Variants in MUC7 observed in about 807,000 individuals in gnomAD.
The protein encoded by MUC7 is mucin 7, secreted, also known as mucin-7.
In MUC7, 2 loss-of-function variants were observed where a neutral mutation model predicts 2.5. The ratio of observed to expected loss-of-function variants is 0.81; its 90% confidence interval spans 0.33 to 2.55. MUC7 has a LOEUF of 2.55. Among genes scored for constraint, MUC7 ranks in the 30% most tolerant of loss-of-function variants. The pLI is 0.11. For missense variants in MUC7, 408 were observed against 455.6 expected (o/e 0.90, Z 0.95); for synonymous variants, 133 against 173.4 (o/e 0.77, Z 1.83).
In MUC7 at chr4:70,430,688, G is replaced by A. The variant is rs191306514; in HGVS notation, c.-93+1G>A. 4.6e-5 allele frequency: 7 copies of A among 152,184 alleles called. No individual in the cohort carries two copies. The highest frequency in any genetic ancestry group is 3.3e-4 in the Admixed American group (5 of 15,282). 9.4% of individuals were successfully genotyped at this position (152,184 alleles called of 1,614,324 possible). A position where few individuals can be genotyped will look rare whatever the true frequency, so the allele number is the denominator to read the frequency against. Reference sequence around the variant, plus strand: ...ACTTGGAGGAAGGATTCCTTCAAAGGTAGGTACCTGGGAATTCACAAATTA... The same window carrying A: ...ACTTGGAGGAAGGATTCCTTCAAAGATAGGTACCTGGGAATTCACAAATTA... On this transcript the variant is annotated splice_donor_variant, in intron 1 of 3. Transcript: ENST00000413702. LOFTEE classifies it low-confidence loss of function (5UTR_SPLICE).
chr4:70,439,449 T>C (rs1048302975), intron 1 of MUC7, among the ~76,000 whole-genome samples: 2 of 152,166 alleles, frequency 1.3e-5, no homozygotes, highest in Non-Finnish European at 2.9e-5. Flanking sequence ...CTGCCTCCTG[T>C]TTGGAGATAG....
chr4:70,436,717 C>A (rs537529222), intron 1 of MUC7, among the ~76,000 whole-genome samples: 46 of 152,308 alleles, frequency 3.0e-4, no homozygotes, highest in African/African-American at 9.9e-4. Flanking sequence ...CAAACTCATT[C>A]TTTGTCCAGC....
At position 70,482,695 on chromosome 4, in the gene MUC7, T is replaced by C. The variant is rs779841951; in HGVS notation, c.*817T>C. ...TTATAATATTTCACTATCAATTCAA[T>C]TAATTCACATAAATTCCATGTGAAA... On this transcript the variant is annotated 3_prime_UTR_variant, in exon 3 of 3. Transcript: ENST00000304887. The C allele has an allele frequency of 5.3e-5, 8 of 151,878 alleles. No homozygotes were observed. Among genetic ancestry groups the C allele is most frequent in the Non-Finnish European group, 8.8e-5 (6 of 67,976 alleles). 9.4% of individuals were successfully genotyped at this position (151,878 alleles called of 1,614,324 possible).
chr4:70,451,079 T>G (rs1734268498), intron 1 of MUC7, among the ~76,000 whole-genome samples: 1 of 152,070 alleles, frequency 6.6e-6, no homozygotes, highest in African/African-American at 2.4e-5. Context: ...AGACACAGAG[T>G]GCTGTAGCCC....
intron 1 of MUC7, among the ~76,000 whole-genome samples, chr4:70,466,241 T>A (rs944512488): frequency 6.6e-6 from 1 of 152,056 alleles, no homozygotes; most frequent in South Asian, 2.1e-4. Context: ...GCCTGCCCTA[T>A]AAGAGCTCCT....
At chr4:70,477,870 G>A (rs1431277651) in intron 2 of MUC7, among the ~76,000 whole-genome samples, 1 of 152,080 alleles carries the variant, frequency 6.6e-6, no homozygotes, top group Non-Finnish European at 1.5e-5. Flanking sequence ...ATGTGAACAG[G>A]CAGGCAGGGT....
intron 1 of MUC7, among the ~76,000 whole-genome samples, chr4:70,463,639 T>C (rs1577909211): frequency 6.6e-6 from 1 of 152,340 alleles, no homozygotes; most frequent in Middle Eastern, 3.4e-3. Flanking sequence ...TATGTCATAA[T>C]GGTGATTTGT....
In MUC7 at chr4:70,444,131, A is replaced by G. The variant is rs371670886; in HGVS notation, c.-93+13444A>G. Among the ~76,000 whole-genome samples, 13 of 152,278 alleles carry G rather than the reference A, an allele frequency of 8.5e-5. No individual in the cohort carries two copies. In the South Asian group the frequency reaches 2.5e-3, roughly 29 times the overall value. On this transcript the variant is annotated intron_variant, in intron 1 of 3. Transcript: ENST00000413702. Reference sequence around the variant, plus strand: ...CAATGCTAAATCTTCCACAAAGTCCATATCTGAGGCTATAGCTACCTTATC... The same window carrying G: ...CAATGCTAAATCTTCCACAAAGTCCGTATCTGAGGCTATAGCTACCTTATC...
chr4:70,448,885 T>G (rs754301344), intron 1 of MUC7, among the ~76,000 whole-genome samples: 23 of 152,200 alleles, frequency 1.5e-4, no homozygotes, highest in Non-Finnish European at 2.1e-4. Flanking sequence ...ATGTTTTCTT[T>G]TAGTAGTTTC....
intron 1 of MUC7, among the ~76,000 whole-genome samples, chr4:70,467,151 G>C (rs765539026): frequency 3.2e-4 from 48 of 152,212 alleles, no homozygotes; most frequent in Non-Finnish European, 3.4e-4. Flanking sequence ...ACCTGCTCCT[G>C]AATGACTACT....
chr4:70,461,367 T>C (rs1457640624), intron 1 of MUC7, among the ~76,000 whole-genome samples: 1 of 152,226 alleles, frequency 6.6e-6, no homozygotes, highest in Non-Finnish European at 1.5e-5. Context: ...AGCTCTTTGA[T>C]GACAAAGGCC....
intron 1 of MUC7, among the ~76,000 whole-genome samples, chr4:70,444,018 T>G (rs1156510943): frequency 6.6e-6 from 1 of 152,182 alleles, no homozygotes; most frequent in African/African-American, 2.4e-5. Flanking sequence ...AAACTGACCC[T>G]CATTTATCAC....
chr4:70,434,982 A>G (rs1007112107), intron 1 of MUC7, among the ~76,000 whole-genome samples: 3 of 152,110 alleles, frequency 2.0e-5, no homozygotes, highest in Non-Finnish European at 4.4e-5. Context: ...GTCATTCAGG[A>G]GCAGATTGTT....
chr4:70,442,042 C>A (rs1164983829), intron 1 of MUC7, among the ~76,000 whole-genome samples: 2 of 152,142 alleles, frequency 1.3e-5, no homozygotes, highest in African/African-American at 4.8e-5. Context: ...GACAAAGAAA[C>A]TAGGATTGAA....
At position 70,474,074 on chromosome 4, in the gene MUC7, C is replaced by G; in HGVS notation, c.53C>G (p.Ser18Trp). ...ATCTGTGCACTGAGTGCTTGCTTCT[C>G]GGTAAGTATTCACCCAAATAAGTTT... ...VCICALSACFSFSEGRERDHE... is the reference protein window; with the variant it reads ...VCICALSACFWFSEGRERDHE... The change falls in exon 2 of 3, where the codon TCG becomes TGG. Residue 18 changes from serine to tryptophan, a missense_variant and splice_region_variant. By Grantham distance (177) the Ser-to-Trp change is radical. Transcript: ENST00000304887. 1 of 1,612,142 alleles carries G rather than the reference C, an allele frequency of 6.2e-7. No individual in the cohort carries two copies. The highest frequency in any genetic ancestry group is 8.5e-7 in the Non-Finnish European group (1 of 1,178,702).
chr4:70,465,838 A>G (rs1014949731), intron 1 of MUC7, among the ~76,000 whole-genome samples: 2 of 152,244 alleles, frequency 1.3e-5, no homozygotes, highest in Non-Finnish European at 1.5e-5. Flanking sequence ...GATATTATCC[A>G]GGAGAACTTC....
At chr4:70,440,744 T>C (rs1733981058) in intron 1 of MUC7, among the ~76,000 whole-genome samples, 1 of 151,624 alleles carries the variant, frequency 6.6e-6, no homozygotes, top group Non-Finnish European at 1.5e-5. Context: ...ATTCAAAACA[T>C]AATTTAAAAA....
At position 70,462,507 on chromosome 4, in the gene MUC7, A is replaced by T. The variant is rs868715006; in HGVS notation, c.-92-9708A>T. Among the ~76,000 whole-genome samples, 3 of 152,254 alleles carry T rather than the reference A, an allele frequency of 2.0e-5. No individual in the cohort carries two copies. The South Asian group carries it at 6.2e-4, about 31-fold the overall frequency. ...ATCATTTATAATTATGAAGTATATGAAAGTACTTTAAAAAGGAAAAGGACT... is the reference window on the plus strand; with the variant it reads ...ATCATTTATAATTATGAAGTATATGTAAGTACTTTAAAAAGGAAAAGGACT... On this transcript the variant is annotated intron_variant, in intron 1 of 3. Transcript: ENST00000413702.
intron 2 of MUC7, among the ~76,000 whole-genome samples, chr4:70,478,396 A>T (rs185868805): frequency 1.1e-3 from 172 of 152,340 alleles, no homozygotes; most frequent in Admixed American, 2.9e-3. Context: ...GGCCTTCGTG[A>T]GGCTCATGTG....
Sources: allele counts gnomAD v4.1 joint callset (sites outside exome capture counted in the v4.1 genomes callset), GRCh38; gene constraint gnomAD v4.1.1; transcripts MANE v1.5; gene names NCBI Gene and HGNC (gene_info 2026-07-23, HGNC 2026-07-21).